GLYR1: variants seen among roughly 807,000 people sequenced by gnomAD.
The protein encoded by GLYR1 is cytokine-like nuclear factor N-PAC.
A neutral mutation model predicts 72.7 loss-of-function variants in GLYR1; 21 were observed. The ratio of observed to expected loss-of-function variants is 0.29; its 90% confidence interval spans 0.20 to 0.42. The LOEUF is 0.42. GLYR1 is among the 10% of genes least tolerant of loss of function. GLYR1 has a pLI of 1.00. For missense variants in GLYR1, 594 were observed against 712.1 expected (o/e 0.83, Z 1.89); for synonymous variants, 392 against 270.2 (o/e 1.45, Z -4.42).
intron 3 of GLYR1, chr16:4,839,587 G>C (rs1567805837): frequency 6.6e-6 from 1 of 152,156 alleles, no homozygotes; most frequent in African/African-American, 2.4e-5. Context: ...TACGTGGGCA[G>C]TTTTGTCTTG....
chr16:4,830,481 G>T (rs1179918798), intron 5 of GLYR1, among the ~76,000 whole-genome samples: 1 of 152,172 alleles, frequency 6.6e-6, no homozygotes, highest in Non-Finnish European at 1.5e-5. Flanking sequence ...GAGCACCAAG[G>T]CAGGTCAGCT....
chr16:4,819,688 T>C (rs985855730), intron 9 of GLYR1, among the ~76,000 whole-genome samples: 4 of 152,270 alleles, frequency 2.6e-5, no homozygotes, highest in East Asian at 1.9e-4. Context: ...ATTCTTTCCA[T>C]AGTTTTGGTC....
chr16:4,846,926 A>C, intron 1 of GLYR1: 1 of 446,892 alleles, frequency 2.2e-6, no homozygotes, highest in Non-Finnish European at 4.0e-6. Context: ...CGTCCGGGGA[A>C]GCCTCGCGGC....
intron 9 of GLYR1, chr16:4,818,002 C>CAT: frequency 4.6e-6 from 1 of 219,530 alleles, no homozygotes; most frequent in Non-Finnish European, 9.0e-6. Context: ...CCTTGCTGCC[C>CAT]TTTTTTTTTT....
chr16:4,825,465 C>G (rs183804033), intron 5 of GLYR1, among the ~76,000 whole-genome samples: 1 of 152,194 alleles, frequency 6.6e-6, no homozygotes, highest in African/African-American at 2.4e-5. Flanking sequence ...GCTGAAATGT[C>G]ACCTTATCAG....
chr16:4,841,137 T>G (rs1017637008), intron 3 of GLYR1, among the ~76,000 whole-genome samples: 18 of 152,150 alleles, frequency 1.2e-4, no homozygotes, highest in African/African-American at 4.1e-4. Flanking sequence ...AGAACCTTCG[T>G]CAGTTAGAAA....
intron 5 of GLYR1, among the ~76,000 whole-genome samples, chr16:4,829,751 C>T (rs912630387): frequency 6.6e-6 from 1 of 152,112 alleles, no homozygotes; most frequent in Non-Finnish European, 1.5e-5. Context: ...CGGCTCACTG[C>T]AACCTCTGCC....
rs1285551158 is a variant in GLYR1, at chr16:4,838,296, C to T, written c.156-5384G>A. Among the ~76,000 whole-genome samples the T allele has an allele frequency of 7.9e-5, 12 of 152,298 alleles. No individual in the cohort carries two copies. The East Asian group carries it at 9.6e-4, about 12-fold the overall frequency. On this transcript the variant is annotated intron_variant, in intron 3 of 15. Transcript: ENST00000321919. ...ACTGACTCAGACACCTCACATCCAG[C>T]GAGACCGGTCCACCTTAGATGTGGC... is the stretch of plus-strand genomic sequence containing the variant.
At chr16:4,831,909 T>C in intron 5 of GLYR1, 70 bp downstream of exon 5, 4 of 1,546,820 alleles carry the variant, frequency 2.6e-6, no homozygotes, top group Non-Finnish European at 3.5e-6. Flanking sequence ...ATAAGCATAC[T>C]GTAGAGCTTA....
intron 10 of GLYR1, among the ~76,000 whole-genome samples, chr16:4,816,409 C>G (rs934168201): frequency 3.3e-5 from 5 of 152,168 alleles, no homozygotes; most frequent in Admixed American, 2.0e-4. Context: ...TCCCAAGGTG[C>G]TAGGATTATA....
intron 15 of GLYR1, among the ~76,000 whole-genome samples, chr16:4,807,566 A>G (rs116610853): frequency 0.01 from 1,534 of 152,332 alleles, 22 homozygotes; most frequent in African/African-American, 0.035. Context: ...TTCAGAACCT[A>G]ACCTCTGAAC....
At chr16:4,817,548 G>T in intron 10 of GLYR1, 50 bp downstream of exon 10, 1 of 1,117,712 alleles carries the variant, frequency 8.9e-7, no homozygotes. Context: ...CCACTCTTAG[G>T]GTTACCCCAG....
At chr16:4,820,260 A>G (rs2083925901) in intron 9 of GLYR1, among the ~76,000 whole-genome samples, 1 of 152,210 alleles carries the variant, frequency 6.6e-6, no homozygotes, top group African/African-American at 2.4e-5. Context: ...AAGTGCTGGG[A>G]TAACAGCCAT....
chr16:4,835,853 C>T (rs1178788334), intron 3 of GLYR1, among the ~76,000 whole-genome samples: 3 of 152,102 alleles, frequency 2.0e-5, no homozygotes, highest in Admixed American at 6.6e-5. Context: ...AACAAAAAAA[C>T]CCAGCTTACC....
chr16:4,812,191 G>T lies in GLYR1; in HGVS notation c.1177C>A (p.Leu393Met). The T allele has an allele frequency of 6.2e-7, 1 of 1,614,170 alleles. No individual in the cohort carries two copies. Among genetic ancestry groups the T allele is most frequent in the Admixed American group, 1.7e-5 (1 of 60,024 alleles). The change falls in exon 13 of 16, where the codon CTG (leucine) becomes ATG (methionine). Residue 393 changes from leucine (L) to methionine (M), a missense_variant. Leu to Met is a conservative substitution (Grantham distance 15). Around this residue, in one of 5 missense-constraint regions of GLYR1, gnomAD observed 266 missense variants for 358.4 expected, o/e 0.74. Transcript: ENST00000321919. ...ATCACCAACATCCCGTCATTAGACA[G>T]CTGCTGATTCCCTGAGACGGGGGCT... Reference protein sequence around the residue: ...LEAPVSGNQQLSNDGMLVILA... With the variant: ...LEAPVSGNQQMSNDGMLVILA...
At chr16:4,838,244 T>A (rs1166927566) in intron 3 of GLYR1, among the ~76,000 whole-genome samples, 1 of 152,042 alleles carries the variant, frequency 6.6e-6, no homozygotes, top group Non-Finnish European at 1.5e-5. Context: ...ATTAACCACA[T>A]ATTCTTCTAG....
At chr16:4,822,456 T>C (rs970219070) in intron 7 of GLYR1, among the ~76,000 whole-genome samples, 1 of 151,588 alleles carries the variant, frequency 6.6e-6, no homozygotes, top group Non-Finnish European at 1.5e-5. Flanking sequence ...AGCGACGCAA[T>C]CTTGGCTCAC....
chr16:4,823,672 T>A, intron 6 of GLYR1, 149 bp downstream of exon 6: 2 of 720,600 alleles, frequency 2.8e-6, no homozygotes, highest in African/African-American at 3.6e-5. Context: ...GGGAAATTTT[T>A]AATTTTTTAT....
chr16:4,804,933 CTGTGTGTGTG>C lies in GLYR1; in HGVS notation c.*293_*302del, dbSNP rs143624351. The stretch of plus-strand genomic sequence containing the variant: ...GCAGCTTCTATCCTGGGGCGAGAGC[CTGTGTGTGTG>C]TGTGTGTGTGTGTGTGTGTGTGTGT... On this transcript the variant is annotated 3_prime_UTR_variant, in exon 16 of 16. Transcript: ENST00000321919. 3,076 of 297,442 alleles carry C rather than the reference CTGTGTGTGTG, an allele frequency of 0.01. 17 individuals carry two copies. The highest frequency in any genetic ancestry group is 0.025 in the Middle Eastern group (24 of 946). 18.4% of individuals were successfully genotyped at this position (297,442 alleles called of 1,614,324 possible).
Sources: gnomAD v4.1 joint callset for allele counts (sites outside exome capture counted in the v4.1 genomes callset) on GRCh38, gnomAD v4.1.1 for gene constraint, gnomAD v4.1.1 regional missense constraint, MANE v1.5 for transcripts, NCBI Gene and HGNC (gene_info 2026-07-23, HGNC 2026-07-21) for gene names.